The following SGCD variants were observed in gnomAD, a reference collection of about 807,000 sequenced individuals.
SGCD encodes sarcoglycan delta.
A neutral mutation model predicts 36.6 loss-of-function variants in SGCD; 18 were observed. The ratio of observed to expected loss-of-function variants is 0.49; its 90% CI spans 0.34 to 0.73. SGCD has a LOEUF of 0.73. SGCD is among the 30% of genes least tolerant of loss of function. The pLI is 0.01. For missense variants in SGCD, 387 were observed against 346.7 expected (o/e 1.12, Z -0.92); for synonymous variants, 133 against 130.6 (o/e 1.02, Z -0.12).
intron 3 of SGCD, among the ~76,000 whole-genome samples, chr5:156,384,097 G>A (rs1454329862): frequency 6.6e-6 from 1 of 152,188 alleles, no homozygotes; most frequent in Non-Finnish European, 1.5e-5. Context: ...ATATGCTGTT[G>A]AATCCACACA....
chr5:156,179,621 T>C (rs1309197673), intron 3 of SGCD, among the ~76,000 whole-genome samples: 2 of 112,474 alleles, frequency 1.8e-5, no homozygotes, highest in Non-Finnish European at 3.6e-5. Context: ...ATTTTCCAAC[T>C]TTTTTTTTTT....
At chr5:156,594,821 A>G in intron 5 of SGCD, 111 bp from the exon 6 acceptor site, 1 of 684,454 alleles carries the variant, frequency 1.5e-6, no homozygotes, top group South Asian at 1.8e-5. Flanking sequence ...CTTGTTAGAT[A>G]TGTGTGTTCT....
At chr5:156,078,821 G>A (rs899625715) in intron 1 of SGCD, among the ~76,000 whole-genome samples, 35 of 150,262 alleles carry the variant, frequency 2.3e-4, no homozygotes, top group Non-Finnish European at 4.4e-4. Context: ...ATTTTATTCA[G>A]GTTTTTGCAG....
chr5:156,424,950 G>C (rs1053184975), intron 3 of SGCD, among the ~76,000 whole-genome samples: 7 of 152,068 alleles, frequency 4.6e-5, no homozygotes, highest in Non-Finnish European at 1.0e-4. Context: ...TAGGCAGCCT[G>C]TGCCTGGGAT....
intron 2 of SGCD, among the ~76,000 whole-genome samples, chr5:156,336,009 C>T (rs1768333617): frequency 6.6e-6 from 1 of 152,236 alleles, no homozygotes; most frequent in African/African-American, 2.4e-5. Context: ...CATCCCATTT[C>T]CATGCCTAGG....
chr5:156,698,579 G>C (rs1211911942), intron 7 of SGCD, among the ~76,000 whole-genome samples: 4 of 152,158 alleles, frequency 2.6e-5, no homozygotes, highest in Admixed American at 2.6e-4. Flanking sequence ...TGTGCTCTGT[G>C]CATCTCTAGC....
intron 7 of SGCD, among the ~76,000 whole-genome samples, chr5:156,746,084 C>T (rs1256633466): frequency 6.7e-6 from 1 of 149,802 alleles, no homozygotes; most frequent in Non-Finnish European, 1.5e-5. Flanking sequence ...TACATGCAGA[C>T]ATATCAGAAT....
At chr5:155,799,174 A>G in the SGCD span, among the ~76,000 whole-genome samples, 2,641 of 152,286 alleles carry the variant, frequency 0.017, 86 homozygotes, top group African/African-American at 0.059. Context: ...CATATCTGTT[A>G]AATATGCATT....
chr5:155,731,856 C>G, the SGCD span, among the ~76,000 whole-genome samples: 1 of 152,152 alleles, frequency 6.6e-6, no homozygotes, highest in South Asian at 2.1e-4. Flanking sequence ...AGCAGGTGGT[C>G]CCTGAACCAG....
chr5:156,529,318 G>A (rs190073547), intron 4 of SGCD, among the ~76,000 whole-genome samples: 79 of 151,628 alleles, frequency 5.2e-4, no homozygotes, highest in Admixed American at 1.1e-3. Context: ...CCAGCTACTC[G>A]GGAGGCTGAG....
the SGCD span, among the ~76,000 whole-genome samples, chr5:155,797,200 A>T: frequency 6.6e-6 from 1 of 152,204 alleles, no homozygotes; most frequent in Non-Finnish European, 1.5e-5. Context: ...TGTTATTTAA[A>T]ATCTTCCCAT....
chr5:156,546,479 G>GA (rs936235139), intron 4 of SGCD, among the ~76,000 whole-genome samples: 1 of 152,118 alleles, frequency 6.6e-6, no homozygotes, highest in African/African-American at 2.4e-5. Context: ...AGATTCTATG[G>GA]AAAATGGAAG....
the SGCD span, among the ~76,000 whole-genome samples, chr5:155,734,019 T>C: frequency 1.3e-5 from 2 of 150,780 alleles, no homozygotes; most frequent in Non-Finnish European, 3.0e-5. Context: ...GGTTAAGCAA[T>C]TTGGCCAGTT....
At chr5:156,616,442 G>A (rs1264855581) in intron 6 of SGCD, among the ~76,000 whole-genome samples, 3 of 152,164 alleles carry the variant, frequency 2.0e-5, no homozygotes, top group Non-Finnish European at 4.4e-5. Context: ...GGAAAAAAAT[G>A]CAAATACTTG....
chr5:156,619,833 C>G (rs961380293), intron 6 of SGCD, among the ~76,000 whole-genome samples: 1 of 152,222 alleles, frequency 6.6e-6, no homozygotes, highest in Admixed American at 6.5e-5. Context: ...TAAAAATATT[C>G]TCTTACGCTC....
chr5:155,896,564 T>A (rs1264669190), intron 1 of SGCD, among the ~76,000 whole-genome samples: 1 of 151,528 alleles, frequency 6.6e-6, no homozygotes, highest in East Asian at 1.9e-4. Flanking sequence ...GAGGATTGCT[T>A]GAGCATTGGA....
At chr5:155,864,623 T>C in the SGCD span, among the ~76,000 whole-genome samples, 5 of 152,216 alleles carry the variant, frequency 3.3e-5, no homozygotes, top group Admixed American at 2.6e-4. Flanking sequence ...CAAATAGAAT[T>C]TGTATACAGA....
intron 3 of SGCD, among the ~76,000 whole-genome samples, chr5:156,392,676 G>A (rs770476897): frequency 9.9e-5 from 15 of 152,188 alleles, no homozygotes; most frequent in Non-Finnish European, 1.8e-4. Flanking sequence ...TGTCGGCTTG[G>A]AGAATGAGTT....
intron 7 of SGCD, among the ~76,000 whole-genome samples, chr5:156,672,338 C>T (rs1753330920): frequency 6.6e-6 from 1 of 152,174 alleles, no homozygotes; most frequent in South Asian, 2.1e-4. Flanking sequence ...AAGTCTTAAA[C>T]AGTAAGGGTG....
Sources: allele counts gnomAD v4.1 joint callset (sites outside exome capture counted in the v4.1 genomes callset), GRCh38; gene constraint gnomAD v4.1.1; transcripts MANE v1.5; gene names NCBI Gene and HGNC (gene_info 2026-07-23, HGNC 2026-07-21).